The following SLC35F3 variants were observed in gnomAD, a reference collection of about 807,000 sequenced individuals.
SLC35F3 encodes putative thiamine transporter SLC35F3.
SLC35F3 carries 25 observed loss-of-function variants against 49.9 expected under a neutral mutation model. That is an observed-to-expected ratio of 0.50 (90% CI 0.37 to 0.70). The LOEUF is 0.70. Ranked by LOEUF, SLC35F3 falls within the 30% of genes least tolerant of loss-of-function variation. The probability of loss-of-function intolerance (pLI) is 0.00; values close to 1 mark genes in which losing one functional copy is unlikely to be tolerated. For synonymous variants in SLC35F3, 275 were observed against 265.4 expected (o/e 1.04, Z -0.35); for missense variants, 525 against 639.8 (o/e 0.82, Z 1.94).
At chr1:233,913,796 G>A (rs1661924746) in intron 2 of SLC35F3, among the ~76,000 whole-genome samples, 1 of 152,108 alleles carries the variant, frequency 6.6e-6, no homozygotes, top group Non-Finnish European at 1.5e-5. Flanking sequence ...CTTTAACCCT[G>A]CTAAAAACAC....
At chr1:234,067,304 A>G (rs956459724) in intron 2 of SLC35F3, among the ~76,000 whole-genome samples, 2 of 152,220 alleles carry the variant, frequency 1.3e-5, no homozygotes, top group African/African-American at 4.8e-5. Context: ...ACTCGCCTCT[A>G]GTAACCAATG....
At chr1:233,983,149 A>T (rs1026185932) in intron 2 of SLC35F3, among the ~76,000 whole-genome samples, 7 of 152,138 alleles carry the variant, frequency 4.6e-5, no homozygotes, top group African/African-American at 9.7e-5. Context: ...CTTTGTATTC[A>T]TCTTTGAGAT....
At chr1:234,191,189 A>G (rs1666725446) in intron 2 of SLC35F3, among the ~76,000 whole-genome samples, 1 of 152,200 alleles carries the variant, frequency 6.6e-6, no homozygotes, top group African/African-American at 2.4e-5. Context: ...GATAGACCAT[A>G]TGATTGCCAC....
chr1:234,168,564 G>A (rs1572078633), intron 2 of SLC35F3, among the ~76,000 whole-genome samples: 1 of 152,390 alleles, frequency 6.6e-6, no homozygotes, highest in East Asian at 1.9e-4. Flanking sequence ...CAGCTTGCCA[G>A]AAGGTCACCA....
intron 2 of SLC35F3, among the ~76,000 whole-genome samples, chr1:234,108,708 A>C (rs1430540003): frequency 1.3e-5 from 1 of 74,680 alleles, no homozygotes; most frequent in African/African-American, 5.1e-5. Flanking sequence ...TATATTATAT[A>C]TATAAAAGAT....
chr1:234,169,414 G>A (rs549251379), intron 2 of SLC35F3, among the ~76,000 whole-genome samples: 1 of 152,184 alleles, frequency 6.6e-6, no homozygotes, highest in Non-Finnish European at 1.5e-5. Context: ...CAGATGGTTA[G>A]CAACATGACA....
At chr1:234,147,230 C>CTTTTTTTTTTTTTTTTTTT (rs201359916) in intron 2 of SLC35F3, among the ~76,000 whole-genome samples, 1 of 125,096 alleles carries the variant, frequency 8.0e-6, no homozygotes, top group Non-Finnish European at 1.7e-5. Flanking sequence ...TTTCTATTTT[C>CTTTTTTTTTTTTTTTTTTT]TTTTTTTTTT....
At chr1:234,118,532 G>A (rs1415157151) in intron 2 of SLC35F3, among the ~76,000 whole-genome samples, 2 of 152,196 alleles carry the variant, frequency 1.3e-5, no homozygotes, top group African/African-American at 4.8e-5. Flanking sequence ...AAGAGGAGGA[G>A]AGAGAGGAGA....
intron 2 of SLC35F3, among the ~76,000 whole-genome samples, chr1:234,227,172 T>C (rs533445718): frequency 2.0e-5 from 3 of 152,272 alleles, no homozygotes; most frequent in South Asian, 2.1e-4. Context: ...CTACTTTGCA[T>C]TGCTCCCAGA....
chr1:234,275,275 G>C (rs1181184739), intron 3 of SLC35F3, among the ~76,000 whole-genome samples: 1 of 151,688 alleles, frequency 6.6e-6, no homozygotes, highest in African/African-American at 2.4e-5. Context: ...TTCTTGTTTA[G>C]ACTTGGGTTC....
chr1:233,941,440 A>G (rs543726012), intron 2 of SLC35F3, among the ~76,000 whole-genome samples: 127 of 152,202 alleles, frequency 8.3e-4, no homozygotes, highest in Non-Finnish European at 1.2e-3. Flanking sequence ...AATCTCTCGC[A>G]TTAGAACAAA....
In SLC35F3 at chr1:233,905,135, G is replaced by A. The variant is rs2102778396; in HGVS notation, c.53+5G>A. ...CAGGGGCAAGAGCATTGCCGTGTGA[G>A]TAGCGCCCCGGGCGTGGGTGAGCGA... is the stretch of plus-strand genomic sequence containing the variant. On this transcript the variant is annotated splice_donor_5th_base_variant and intron_variant, in intron 1 of 7. Coordinates refer to ENST00000366618, the MANE Select transcript of SLC35F3 (RefSeq NM_173508.4). 1 of 1,554,514 alleles carries A rather than the reference G, an allele frequency of 6.4e-7. No individual in the cohort carries two copies. Among genetic ancestry groups the A allele is most frequent in the Non-Finnish European group, 8.7e-7 (1 of 1,148,162 alleles).
rs532970733 is a variant in SLC35F3 at position 233,948,439 on chromosome 1, C to T, written c.283+42681C>T. On this transcript the variant is annotated intron_variant, in intron 2 of 7. Coordinates refer to ENST00000366618, the MANE Select transcript of SLC35F3 (RefSeq NM_173508.4). The stretch of plus-strand genomic sequence containing the variant: ...CAATTGAGGTCAGCGTCTTCCCAAG[C>T]GAAGGGTTCAAGTGGGTACCACAAC... Among the ~76,000 whole-genome samples the T allele has an allele frequency of 1.3e-4, 20 of 151,324 alleles. No homozygotes were observed. In the South Asian group the frequency reaches 3.4e-3, roughly 25 times the overall value.
chr1:234,098,988 T>TG (rs1665174309), intron 2 of SLC35F3, among the ~76,000 whole-genome samples: 1 of 151,942 alleles, frequency 6.6e-6, no homozygotes, highest in African/African-American at 2.4e-5. Context: ...GTGTTGCTGG[T>TG]GGTGATAGCA....
At chr1:234,219,010 C>G (rs1667162758) in intron 2 of SLC35F3, among the ~76,000 whole-genome samples, 1 of 145,686 alleles carries the variant, frequency 6.9e-6, no homozygotes, top group African/African-American at 2.6e-5. Flanking sequence ...GATCATGCCA[C>G]TGCACGCCAG....
chr1:233,950,508 C>G (rs1377653863), intron 2 of SLC35F3, among the ~76,000 whole-genome samples: 1 of 145,198 alleles, frequency 6.9e-6, no homozygotes, highest in Non-Finnish European at 1.5e-5. Context: ...CACTTCCTCC[C>G]TTCCTTCCTT....
chr1:234,179,880 G>C (rs543220868), intron 2 of SLC35F3, among the ~76,000 whole-genome samples: 6 of 152,186 alleles, frequency 3.9e-5, no homozygotes, highest in Non-Finnish European at 5.9e-5. Context: ...TGCTTCTTTA[G>C]AACGAAAGAG....
intron 2 of SLC35F3, among the ~76,000 whole-genome samples, chr1:234,108,486 AGATATATATTATTTATATATATAAAT>A (rs1558231547): frequency 4.3e-5 from 5 of 116,254 alleles, no homozygotes; most frequent in South Asian, 2.5e-4. Context: ...TATATATAAA[AGATATATATTATTTATATATATAAAT>A]GATATATATT....
At chr1:233,927,110 A>G (rs1429256225) in intron 2 of SLC35F3, among the ~76,000 whole-genome samples, 1 of 152,214 alleles carries the variant, frequency 6.6e-6, no homozygotes, top group African/African-American at 2.4e-5. Context: ...TCAGCATTGA[A>G]TAACATTGTA....
Sources: allele counts gnomAD v4.1 joint callset (sites outside exome capture counted in the v4.1 genomes callset), GRCh38; gene constraint gnomAD v4.1.1; transcripts MANE v1.5; gene names NCBI Gene and HGNC (gene_info 2026-07-23, HGNC 2026-07-21).